The following BDP1 variants were observed in gnomAD, a reference collection of about 807,000 sequenced individuals.
BDP1 encodes the protein BDP1 general transcription factor IIIB subunit.
A neutral mutation model predicts 266.6 loss-of-function variants in BDP1; 169 were observed. That is an observed-to-expected ratio of 0.63 (90% confidence interval 0.56 to 0.72). The LOEUF is 0.72. BDP1 is among the 30% of genes least tolerant of loss of function. The probability of loss-of-function intolerance (pLI) is 0.00; values close to 1 mark genes in which losing one functional copy is unlikely to be tolerated. For synonymous variants in BDP1, 1,090 were observed against 1,022.4 expected, an observed-to-expected ratio of 1.07 and a Z score of -1.26; for missense variants, 3,015 against 3,053.8, an observed-to-expected ratio of 0.99 and a Z score of 0.30.
intron 16 of BDP1, among the ~76,000 whole-genome samples, chr5:71,506,481 T>C (rs1236950538): frequency 1.3e-5 from 2 of 152,056 alleles, no homozygotes; most frequent in African/African-American, 4.8e-5. Flanking sequence ...AAAGAATGCA[T>C]TAAAAATTCT....
At chr5:71,577,842 G>A in the BDP1 span, among the ~76,000 whole-genome samples, 1 of 152,104 alleles carries the variant, frequency 6.6e-6, no homozygotes, top group Non-Finnish European at 1.5e-5. Flanking sequence ...AAAATCGGAT[G>A]GACTGCCAAT....
Position 71,489,597 on chromosome 5 carries a change from A to G in BDP1, c.1407A>G (p.Gln469=), listed in dbSNP as rs1402989280. The G allele has an allele frequency of 1.8e-5, 29 of 1,614,136 alleles. No individual in the cohort carries two copies. The highest frequency in any genetic ancestry group is 2.3e-5 in the Non-Finnish European group (27 of 1,180,000). ...AAAAGAAAAGAAGGAGGAAGAAGCA[A>G]GATGGAGCTAATGAACTGGGAGTAA... ...LNQKKRRRKK[Q]DGANELGVNN... is the part of the protein sequence containing the mutation. The change falls in exon 10 of 39, where the codon CAA becomes CAG. Residue 469 remains glutamine, a synonymous_variant. Coordinates refer to ENST00000358731, the MANE Select transcript of BDP1 (RefSeq NM_018429.3).
At chr5:71,557,735 G>A (rs1056145317) in intron 36 of BDP1, among the ~76,000 whole-genome samples, 2 of 100,180 alleles carry the variant, frequency 2.0e-5, no homozygotes, top group East Asian at 2.7e-4. Flanking sequence ...ATGGGGTTTC[G>A]CCATGTTGCC....
intron 33 of BDP1, among the ~76,000 whole-genome samples, chr5:71,549,080 A>G (rs1742551792): frequency 6.6e-6 from 1 of 152,166 alleles, no homozygotes; most frequent in Admixed American, 6.5e-5. Flanking sequence ...CTCTACTAAA[A>G]ATACAAAACT....
Position 71,522,792 on chromosome 5 carries a change from G to T in BDP1, c.5230G>T (p.Ala1744Ser). ...GCTTCTGACATCTCTGGAGGTTTCA[G>T]CAAGAAAAGATTGTGTAGGTTCCAA... ...AELLTSLEVS[A>S]RKDCVGSKES... The change falls in exon 24 of 39, where the codon GCA becomes TCA. Residue 1744 changes from alanine to serine, a missense_variant. Ala to Ser is a moderately conservative substitution (Grantham distance 99). This residue lies in a region of BDP1 where 2,383 missense variants were observed against 2,404.9 expected (regional missense o/e 0.99). Coordinates refer to ENST00000358731, the MANE Select transcript of BDP1 (RefSeq NM_018429.3). The T allele has an allele frequency of 1.2e-6, 2 of 1,606,738 alleles. No homozygotes were observed. Among genetic ancestry groups the T allele is most frequent in the South Asian group, 2.3e-5 (2 of 88,398 alleles).
At position 71,509,493 on chromosome 5, in the gene BDP1, C is replaced by G. The variant is rs1231668619; in HGVS notation, c.2401C>G (p.Leu801Val). 1.3e-6 allele frequency: 2 copies of G among 1,588,090 alleles called. No homozygotes were observed. The highest frequency in any genetic ancestry group is 1.7e-6 in the Non-Finnish European group (2 of 1,173,028). ...SVQENNKANK[L>V]NQVPILRTRF... ...TCAAGAGAATAATAAGGCAAATAAA[C>G]TTAACCAAGTCCCAATTCTAAGGAC... The change falls in exon 17 of 39, where the codon CTT (leucine) becomes GTT (valine). Residue 801 changes from leucine (L) to valine (V), a missense_variant. Physicochemically the swap from Leu to Val is conservative, Grantham distance 32. Around this residue, in one of 3 missense-constraint regions of BDP1, gnomAD observed 2,383 missense variants for 2,404.9 expected, o/e 0.99. Coordinates refer to ENST00000358731, the MANE Select transcript of BDP1 (RefSeq NM_018429.3).
intron 25 of BDP1, among the ~76,000 whole-genome samples, chr5:71,526,685 G>GTTTTT (rs35962090): frequency 8.4e-6 from 1 of 118,938 alleles, no homozygotes; most frequent in Non-Finnish European, 1.8e-5. Context: ...CTCTCTCTCT[G>GTTTTT]TTTTTTTTTT....
At chr5:71,562,652 C>G (rs1743759388) in intron 38 of BDP1, 132 bp downstream of exon 38, 10 of 1,471,848 alleles carry the variant, frequency 6.8e-6, no homozygotes, top group Middle Eastern at 1.8e-4. Flanking sequence ...CCATCCTTCT[C>G]TCCATCGTGT....
chr5:71,522,555 T>C (rs1276576747), intron 23 of BDP1, 65 bp downstream of exon 23: 2 of 1,376,524 alleles, frequency 1.5e-6, no homozygotes, highest in East Asian at 4.6e-5. Context: ...GTCAAGATCA[T>C]GAAGAGCATG....
rs879144982 is a variant in BDP1, at chr5:71,567,010, T to C, written c.*2125T>C. On this transcript the variant is annotated 3_prime_UTR_variant, in exon 39 of 39. Transcript: ENST00000358731. ...ATTCATTGTCTTTTAGTGAAATTTA[T>C]GGCGTAACACTTTGTCAGAGAGGAG... 1 of 152,206 alleles carries C rather than the reference T, an allele frequency of 6.6e-6. No homozygotes were observed. The highest frequency in any genetic ancestry group is 6.5e-5 in the Admixed American group (1 of 15,290). The allele number at this position is 152,206 out of a possible 1,614,324, so 9.4% of individuals were successfully genotyped here.
chr5:71,497,549 CTTACA>C, intron 13 of BDP1, 123 bp downstream of exon 13: 1 of 681,944 alleles, frequency 1.5e-6, no homozygotes, highest in Non-Finnish European at 2.4e-6. Context: ...GATACAAGAA[CTTACA>C]TTAACATTAG....
chr5:71,479,889 C>CA (rs2150386973), intron 7 of BDP1, among the ~76,000 whole-genome samples: 1 of 151,908 alleles, frequency 6.6e-6, no homozygotes, highest in African/African-American at 2.4e-5. Flanking sequence ...CCTATCTTTT[C>CA]TCATGTCATG....
At chr5:71,465,306 G>A (rs536017617) in intron 4 of BDP1, among the ~76,000 whole-genome samples, 3 of 151,838 alleles carry the variant, frequency 2.0e-5, no homozygotes, top group South Asian at 2.1e-4. Context: ...TACAGATAGG[G>A]TCTTGCACTG....
chr5:71,522,409 C>G lies in BDP1; in HGVS notation c.5112C>G (p.Val1704=), dbSNP rs200872319. The change falls in exon 23 of 39, where the codon GTC becomes GTG. Residue 1704 remains valine, a synonymous_variant. Coordinates refer to ENST00000358731, the MANE Select transcript of BDP1 (RefSeq NM_018429.3). ...AAGAGGAACCAGTTTTAGAAAAAGT[C>G]ACAACAGATCAGAGCAAGGAAGGCA... ...SKKEEPVLEK[V]TTDQSKEGKP... The G allele has an allele frequency of 1.8e-4, 298 of 1,613,064 alleles. 2 individuals are homozygous for G. The highest frequency in any genetic ancestry group is 1.6e-4 in the Middle Eastern group (1 of 6,084).
intron 26 of BDP1, among the ~76,000 whole-genome samples, chr5:71,536,599 AG>A (rs1461935121): frequency 6.6e-6 from 1 of 152,092 alleles, no homozygotes; most frequent in Non-Finnish European, 1.5e-5. Context: ...GTAATTTGGG[AG>A]GTGGGAGGAT....
Position 71,513,661 on chromosome 5 carries a change from G to A in BDP1, c.4470+254G>A, listed in dbSNP as rs532047767. On this transcript the variant is annotated intron_variant, in intron 19 of 38. Transcript: ENST00000358731. ...GGGCTCTGGTTCCAGTTCCAGCTAT[G>A]TGACCATTGATTAAACAATTTTCTT... 9.5e-4 allele frequency among the ~76,000 whole-genome samples: 145 copies of A among 152,160 alleles called. 1 individual carries two copies. Among genetic ancestry groups the A allele is most frequent in the African/African-American group, 3.3e-3 (138 of 41,536 alleles).
rs1244140280 is a variant in BDP1, at chr5:71,560,013, TACCTC to T, written c.7274_7278del (p.Thr2425ArgfsTer15). On this transcript the variant is annotated frameshift_variant, in exon 37 of 39. Transcript: ENST00000358731. LOFTEE classifies it high-confidence loss of function. The stretch of plus-strand genomic sequence containing the variant: ...CTCACAAGGGACAAGATATTTTTCT[TACCTC>T]AGGAAGCACACTGACAACTCCAGAA... 2.5e-6 allele frequency: 4 copies of T among 1,613,886 alleles called. No homozygotes were observed. Among genetic ancestry groups the T allele is most frequent in the Admixed American group, 1.7e-5 (1 of 60,016 alleles).
intron 14 of BDP1, among the ~76,000 whole-genome samples, chr5:71,502,223 G>A (rs1445080699): frequency 3.1e-5 from 4 of 127,620 alleles, no homozygotes; most frequent in Non-Finnish European, 6.3e-5. Flanking sequence ...ATCTCGCTCT[G>A]TCACGTAGTG....
intron 8 of BDP1, among the ~76,000 whole-genome samples, chr5:71,484,262 T>C (rs1763126600): frequency 6.6e-6 from 1 of 152,176 alleles, no homozygotes; most frequent in Non-Finnish European, 1.5e-5. Flanking sequence ...GAATGACTAA[T>C]CAGTCATTCA....
Sources: allele counts gnomAD v4.1 joint callset (sites outside exome capture counted in the v4.1 genomes callset), GRCh38; gene constraint gnomAD v4.1.1; regional missense constraint gnomAD v4.1.1; transcripts MANE v1.5; gene names NCBI Gene and HGNC (gene_info 2026-07-23, HGNC 2026-07-21).